Variants in DTNBP1 observed in about 807,000 individuals in gnomAD.
DTNBP1 encodes dysbindin.
In DTNBP1, 35 loss-of-function variants were observed where a neutral mutation model predicts 42.8. The ratio of observed to expected loss-of-function variants is 0.82; its 90% CI spans 0.63 to 1.09. The LOEUF is 1.09. Ranked by LOEUF, DTNBP1 falls within the 50% of genes least tolerant of loss-of-function variation. The pLI, the probability that DTNBP1 is intolerant of heterozygous loss-of-function variation, is 0.00. For missense variants in DTNBP1, 457 were observed against 424.2 expected (o/e 1.08, Z -0.68); for synonymous variants, 171 against 162.2 (o/e 1.05, Z -0.41).
intron 6 of DTNBP1, among the ~76,000 whole-genome samples, chr6:15,595,844 C>T (rs1776495629): frequency 6.6e-6 from 1 of 152,182 alleles, no homozygotes; most frequent in East Asian, 1.9e-4. Flanking sequence ...TACTTCAGAA[C>T]AGCAGGCTGA....
chr6:15,662,785 T>C (rs373449292), intron 1 of DTNBP1, 29 bp downstream of exon 1: 26 of 1,611,190 alleles, frequency 1.6e-5, no homozygotes, highest in Non-Finnish European at 2.0e-5. Context: ...CCCCCTCAGG[T>C]CCCTTTTCGT....
chr6:15,624,187 CTCA>C (rs1218692959), intron 5 of DTNBP1, among the ~76,000 whole-genome samples: 1 of 152,196 alleles, frequency 6.6e-6, no homozygotes, highest in Non-Finnish European at 1.5e-5. Context: ...GACAGGTATG[CTCA>C]TCGTCATTTT....
At chr6:15,564,655 G>A (rs999970760) in intron 7 of DTNBP1, among the ~76,000 whole-genome samples, 3 of 152,068 alleles carry the variant, frequency 2.0e-5, no homozygotes, top group East Asian at 1.9e-4. Context: ...TGATCTTTCC[G>A]CCTCAGACTC....
chr6:15,650,802 C>G (rs544770352), intron 3 of DTNBP1, among the ~76,000 whole-genome samples: 128 of 152,272 alleles, frequency 8.4e-4, no homozygotes, highest in African/African-American at 2.9e-3. Flanking sequence ...TATTTTCTCA[C>G]ATTCTATGTT....
intron 6 of DTNBP1, among the ~76,000 whole-genome samples, 193 bp from the exon 7 acceptor site, chr6:15,593,274 T>C (rs1444992752): frequency 6.6e-6 from 1 of 152,222 alleles, no homozygotes; most frequent in Non-Finnish European, 1.5e-5. Flanking sequence ...CAGTTATTTC[T>C]GCTATTTTCT....
At position 15,524,646 on chromosome 6, in the gene DTNBP1, T is replaced by C; in HGVS notation, c.691A>G (p.Met231Val). ...TCCAGCATGTCCACGTTCACTTCCATGGATGACATGCTGCCTATGGGCTCT... is the reference window on the plus strand; with the variant it reads ...TCCAGCATGTCCACGTTCACTTCCACGGATGACATGCTGCCTATGGGCTCT... ...RREPIGSMSS[M>V]EVNVDMLEQM... is the part of the protein sequence containing the mutation. The change falls in exon 9 of 10, where the codon ATG becomes GTG. Residue 231 changes from methionine (M) to valine (V), a missense_variant. Met to Val is a conservative substitution (Grantham distance 21). Transcript: ENST00000344537. 3.1e-6 allele frequency: 5 copies of C among 1,613,642 alleles called. No homozygotes were observed. The highest frequency in any genetic ancestry group is 3.4e-6 in the Non-Finnish European group (4 of 1,180,030).
chr6:15,652,850 G>A (rs1761086521), intron 1 of DTNBP1, among the ~76,000 whole-genome samples: 1 of 151,934 alleles, frequency 6.6e-6, no homozygotes, highest in Admixed American at 6.6e-5. Flanking sequence ...TCTATCTCCT[G>A]GCCTCAAGTG....
intron 6 of DTNBP1, chr6:15,595,127 C>T (rs144792736): frequency 1.3e-5 from 6 of 456,204 alleles, no homozygotes; most frequent in East Asian, 1.4e-4. Flanking sequence ...CAACTGTCAG[C>T]GAAATTTCCA....
At position 15,627,234 on chromosome 6, in the gene DTNBP1, T is replaced by C. The variant is rs1268311232; in HGVS notation, c.355+109A>G. 2.1e-6 allele frequency: 3 copies of C among 1,431,010 alleles called. No homozygotes were observed. The African/African-American group carries it at 4.3e-5, about 20-fold the overall frequency. The allele number at this position is 1,431,010 out of a possible 1,614,324, so 88.6% of individuals were successfully genotyped here. ...GAAATCATGATTTTCCAAAAAATCC[T>C]GTTAACCCAGAATTTCATGTGTTCC... is the stretch of plus-strand genomic sequence containing the variant. On this transcript the variant is annotated intron_variant, in intron 5 of 9. Coordinates refer to ENST00000344537, the MANE Select transcript of DTNBP1 (RefSeq NM_032122.5).
At chr6:15,534,679 A>T (rs1773109399) in intron 7 of DTNBP1, among the ~76,000 whole-genome samples, 1 of 139,094 alleles carries the variant, frequency 7.2e-6, no homozygotes, top group Non-Finnish European at 1.6e-5. Context: ...AAAAAAAAAA[A>T]GCTTGGGAAC....
In DTNBP1 at chr6:15,615,387, G is replaced by T; in HGVS notation, c.368C>A (p.Ala123Glu). 1 of 1,613,804 alleles carries T rather than the reference G, an allele frequency of 6.2e-7. No individual in the cohort carries two copies. The highest frequency in any genetic ancestry group is 8.5e-7 in the Non-Finnish European group (1 of 1,179,990). The change falls in exon 6 of 10, where the codon GCG (alanine) becomes GAG (glutamate). Residue 123 changes from alanine to glutamate, a missense_variant. Ala to Glu is a moderately radical substitution (Grantham distance 107). Transcript: ENST00000344537. Reference sequence around the variant, plus strand: ...GTTGTTCTCTACCTCCTCAAAACTCGCCTCTAAATGAGCTGAAAGTATATA... The same window carrying T: ...GTTGTTCTCTACCTCCTCAAAACTCTCCTCTAAATGAGCTGAAAGTATATA... Reference protein sequence around the residue: ...SMTANLTHLEASFEEVENNLL... With the variant: ...SMTANLTHLEESFEEVENNLL...
chr6:15,561,573 C>T lies in DTNBP1; in HGVS notation c.512-28178G>A, dbSNP rs527921171. Reference sequence around the variant, plus strand: ...GCGGGAATATCATCACCCCATTCAGCCTAAGGAAGAGAAGATGGATCTTCC... The same window carrying T: ...GCGGGAATATCATCACCCCATTCAGTCTAAGGAAGAGAAGATGGATCTTCC... On this transcript the variant is annotated intron_variant, in intron 7 of 9. Transcript: ENST00000344537. Among the ~76,000 whole-genome samples, 71 of 152,266 alleles carry T rather than the reference C, an allele frequency of 4.7e-4. 1 individual carries two copies. The highest frequency in any genetic ancestry group is 3.3e-3 in the South Asian group (16 of 4,826).
chr6:15,555,916 C>T (rs1309206780), intron 7 of DTNBP1, among the ~76,000 whole-genome samples: 1 of 152,098 alleles, frequency 6.6e-6, no homozygotes, highest in East Asian at 1.9e-4. Flanking sequence ...GGACCCATTT[C>T]CAGTAACATC....
intron 1 of DTNBP1, among the ~76,000 whole-genome samples, chr6:15,661,496 A>C (rs1287618666): frequency 2.0e-5 from 3 of 152,144 alleles, no homozygotes; most frequent in Non-Finnish European, 2.9e-5. Flanking sequence ...GTCTCTACTA[A>C]AAAATACAAA....
chr6:15,593,830 G>T (rs9476860), intron 6 of DTNBP1, among the ~76,000 whole-genome samples: 23,287 of 152,152 alleles, frequency 0.15, 2,628 homozygotes, highest in African/African-American at 0.31. Flanking sequence ...AATAAAGGCT[G>T]GTTATCCCAG....
chr6:15,549,304 G>A (rs1210275529), intron 7 of DTNBP1, among the ~76,000 whole-genome samples: 1 of 151,912 alleles, frequency 6.6e-6, no homozygotes, highest in Non-Finnish European at 1.5e-5. Flanking sequence ...GGCCAACATG[G>A]TGAAACCCTG....
At position 15,659,297 on chromosome 6, in the gene DTNBP1, G is replaced by A. The variant is rs573339900; in HGVS notation, c.56+3517C>T. Among the ~76,000 whole-genome samples, 3 of 152,338 alleles carry A rather than the reference G, an allele frequency of 2.0e-5. No homozygotes were observed. The South Asian group carries it at 6.2e-4, about 32-fold the overall frequency. On this transcript the variant is annotated intron_variant, in intron 1 of 9. Coordinates refer to ENST00000344537, the MANE Select transcript of DTNBP1 (RefSeq NM_032122.5). Reference sequence around the variant, plus strand: ...ATCACAGAAGCTCCGAAGAGAGGATGCTGCTCTGGGCGACAGCGGGAGCTG... The same window carrying A: ...ATCACAGAAGCTCCGAAGAGAGGATACTGCTCTGGGCGACAGCGGGAGCTG...
chr6:15,636,733 C>T (rs1431013053), intron 4 of DTNBP1, among the ~76,000 whole-genome samples: 1 of 152,192 alleles, frequency 6.6e-6, no homozygotes, highest in Non-Finnish European at 1.5e-5. Flanking sequence ...GTCTCCTATT[C>T]CCACAAATCT....
In DTNBP1 at chr6:15,627,583, T is replaced by C. The variant is rs945656357; in HGVS notation, c.223-108A>G. 2.7e-6 allele frequency: 4 copies of C among 1,470,800 alleles called. No individual in the cohort carries two copies. The Admixed American group carries it at 6.2e-5, about 23-fold the overall frequency. The allele number at this position is 1,470,800 out of a possible 1,614,324, so 91.1% of individuals were successfully genotyped here. On this transcript the variant is annotated intron_variant, in intron 4 of 9. Coordinates refer to ENST00000344537, the MANE Select transcript of DTNBP1 (RefSeq NM_032122.5). ...TATCTTTAACAACCCCTCTACTCAG[T>C]AGAGATTACGGTACATTCTAAAAGA...
Sources: gnomAD v4.1 joint callset for allele counts (sites outside exome capture counted in the v4.1 genomes callset) on GRCh38, gnomAD v4.1.1 for gene constraint, MANE v1.5 for transcripts, NCBI Gene and HGNC (gene_info 2026-07-23, HGNC 2026-07-21) for gene names.